Variants in PTPRK observed in about 807,000 individuals in gnomAD.
The protein encoded by PTPRK is receptor-type tyrosine-protein phosphatase kappa.
In PTPRK, 75 loss-of-function variants were observed where a neutral mutation model predicts 178.0. The observed-to-expected ratio is 0.42, with a 90% CI of 0.35 to 0.51. The LOEUF (loss-of-function observed/expected upper bound fraction) is 0.51. Among genes scored for constraint, PTPRK ranks in the 20% least tolerant of loss-of-function variants. The pLI is 0.02. For missense variants in PTPRK, 1,441 were observed against 1,797.8 expected, an observed-to-expected ratio of 0.80 and a Z score of 3.59; for synonymous variants, 637 against 620.6, an observed-to-expected ratio of 1.03 and a Z score of -0.39.
chr6:128,483,831 T>C (rs1478507119), intron 1 of PTPRK, among the ~76,000 whole-genome samples: 3 of 152,198 alleles, frequency 2.0e-5, no homozygotes, highest in Non-Finnish European at 4.4e-5. Context: ...GCTAACGTGA[T>C]ATGAAATGTT....
At chr6:128,086,879 C>T (rs1014429804) in intron 8 of PTPRK, among the ~76,000 whole-genome samples, 27 of 151,530 alleles carry the variant, frequency 1.8e-4, no homozygotes, top group Middle Eastern at 3.4e-3. Context: ...AATAATAATA[C>T]GAAACTTAAT....
chr6:128,323,648 C>T (rs1161972240), intron 2 of PTPRK, among the ~76,000 whole-genome samples: 2 of 152,112 alleles, frequency 1.3e-5, no homozygotes, highest in African/African-American at 4.8e-5. Context: ...TTTGAGAAGC[C>T]AAATTTCAAA....
chr6:128,120,478 C>T (rs1313529693), intron 7 of PTPRK, among the ~76,000 whole-genome samples: 1 of 151,964 alleles, frequency 6.6e-6, no homozygotes, highest in Non-Finnish European at 1.5e-5. Context: ...ATACACACTG[C>T]CACATGGCAA....
At chr6:128,037,123 T>A (rs1562475192) in intron 13 of PTPRK, among the ~76,000 whole-genome samples, 1 of 152,128 alleles carries the variant, frequency 6.6e-6, no homozygotes, top group Non-Finnish European at 1.5e-5. Context: ...TTAATCAGAT[T>A]TTTCTGCCTG....
intron 21 of PTPRK, 64 bp from the exon 22 acceptor site, chr6:127,985,939 A>G (rs1405137498): frequency 6.5e-7 from 1 of 1,537,548 alleles, no homozygotes; most frequent in Non-Finnish European, 8.9e-7. Flanking sequence ...AAGCCATTAA[A>G]CACAATTATG....
chr6:128,130,413 G>A (rs1391375364), intron 7 of PTPRK, among the ~76,000 whole-genome samples: 1 of 152,186 alleles, frequency 6.6e-6, no homozygotes, highest in Non-Finnish European at 1.5e-5. Context: ...CTCATTCAGT[G>A]AATGGTCCCA....
intron 13 of PTPRK, among the ~76,000 whole-genome samples, chr6:128,036,368 A>G (rs1257936277): frequency 2.0e-5 from 3 of 152,238 alleles, no homozygotes; most frequent in Non-Finnish European, 4.4e-5. Context: ...AGAGTTGTAC[A>G]GAGAATAGTA....
intron 15 of PTPRK, among the ~76,000 whole-genome samples, chr6:128,000,960 G>A (rs1041449487): frequency 4.6e-5 from 7 of 151,938 alleles, no homozygotes; most frequent in Non-Finnish European, 7.4e-5. Flanking sequence ...AATAGACAGT[G>A]CCTTTTGTTT....
At chr6:128,057,225 T>G (rs898187616) in intron 13 of PTPRK, among the ~76,000 whole-genome samples, 5 of 152,222 alleles carry the variant, frequency 3.3e-5, no homozygotes, top group Non-Finnish European at 5.9e-5. Flanking sequence ...TCTTCAAATA[T>G]TCTTTTAACT....
intron 1 of PTPRK, among the ~76,000 whole-genome samples, chr6:128,474,265 G>A (rs139017613): frequency 6.6e-6 from 1 of 152,034 alleles, no homozygotes; most frequent in East Asian, 1.9e-4. Context: ...GTGACATCAC[G>A]GGACATGAGA....
intron 7 of PTPRK, among the ~76,000 whole-genome samples, chr6:128,137,073 T>C (rs1001383549): frequency 3.3e-5 from 5 of 152,192 alleles, no homozygotes; most frequent in Admixed American, 1.3e-4. Context: ...AGAGCTATAC[T>C]CTGCAGGGGA....
chr6:128,354,513 G>A (rs1401339611), intron 2 of PTPRK, among the ~76,000 whole-genome samples: 1 of 151,988 alleles, frequency 6.6e-6, no homozygotes, highest in Non-Finnish European at 1.5e-5. Context: ...GGGATTACAG[G>A]CGTGAGCCAC....
chr6:128,439,553 A>C (rs1846032315), intron 1 of PTPRK, among the ~76,000 whole-genome samples: 1 of 152,214 alleles, frequency 6.6e-6, no homozygotes, highest in Admixed American at 6.5e-5. Context: ...TAATAATTCA[A>C]AAACCTATGC....
At chr6:128,180,801 A>C (rs1801795184) in intron 7 of PTPRK, among the ~76,000 whole-genome samples, 1 of 152,050 alleles carries the variant, frequency 6.6e-6, no homozygotes, top group Non-Finnish European at 1.5e-5. Context: ...TGCAGACTCT[A>C]TTTTTTAAAA....
At chr6:128,264,318 C>G (rs1818625878) in intron 3 of PTPRK, among the ~76,000 whole-genome samples, 1 of 152,106 alleles carries the variant, frequency 6.6e-6, no homozygotes, top group Admixed American at 6.5e-5. Flanking sequence ...ATATTGATAT[C>G]AGATACACAG....
At chr6:128,356,515 GC>G (rs1364339687) in intron 2 of PTPRK, among the ~76,000 whole-genome samples, 2 of 151,958 alleles carry the variant, frequency 1.3e-5, no homozygotes, top group Non-Finnish European at 2.9e-5. Flanking sequence ...CAATTCTTCT[GC>G]CTTCTTGAAA....
intron 3 of PTPRK, among the ~76,000 whole-genome samples, chr6:128,243,008 T>C (rs1025723873): frequency 1.4e-4 from 22 of 152,198 alleles, no homozygotes; most frequent in African/African-American, 5.3e-4. Context: ...AACACATTAG[T>C]AAGATAATCT....
chr6:128,194,045 C>A (rs1042456010), intron 6 of PTPRK, among the ~76,000 whole-genome samples: 1 of 142,954 alleles, frequency 7.0e-6, no homozygotes, highest in Non-Finnish European at 1.5e-5. Flanking sequence ...AATGATAAAT[C>A]GCAATAATAT....
chr6:128,168,884 T>C (rs574409844), intron 7 of PTPRK, among the ~76,000 whole-genome samples: 1 of 152,072 alleles, frequency 6.6e-6, no homozygotes, highest in Non-Finnish European at 1.5e-5. Flanking sequence ...GTGACATATA[T>C]CTACATAATT....
Sources: allele counts gnomAD v4.1 joint callset (sites outside exome capture counted in the v4.1 genomes callset), GRCh38; gene constraint gnomAD v4.1.1; transcripts MANE v1.5; gene names NCBI Gene and HGNC (gene_info 2026-07-23, HGNC 2026-07-21).